ZDHHC20: variants seen among roughly 807,000 people sequenced by gnomAD.
ZDHHC20 encodes the protein zDHHC palmitoyltransferase 20.
A neutral mutation model predicts 57.8 loss-of-function variants in ZDHHC20; 43 were observed. The ratio of observed to expected loss-of-function variants is 0.74; its 90% CI spans 0.58 to 0.96. The LOEUF (loss-of-function observed/expected upper bound fraction) is 0.96, where lower values mean the gene tolerates loss of function less well. Among genes scored for constraint, ZDHHC20 ranks in the 40% least tolerant of loss-of-function variants. The pLI is 0.00. For synonymous variants in ZDHHC20, 157 were observed against 153.0 expected, an observed-to-expected ratio of 1.03 and a Z score of -0.19; for missense variants, 391 against 441.1, an observed-to-expected ratio of 0.89 and a Z score of 1.02.
At chr13:21,416,568 A>G (rs531804501) in intron 3 of ZDHHC20, among the ~76,000 whole-genome samples, 2 of 152,344 alleles carry the variant, frequency 1.3e-5, no homozygotes, top group Admixed American at 1.3e-4. Flanking sequence ...CATATAAACA[A>G]AGAATTACAA....
At chr13:21,387,344 A>G (rs561562671) in intron 9 of ZDHHC20, among the ~76,000 whole-genome samples, 164 bp downstream of exon 9, 1 of 152,238 alleles carries the variant, frequency 6.6e-6, no homozygotes, top group South Asian at 2.1e-4. Flanking sequence ...TAAAAAATGA[A>G]AAATAAAATA....
rs1485680504 is a variant in ZDHHC20, at chr13:21,402,886, G to A, written c.371-20C>T. 2.6e-6 allele frequency: 4 copies of A among 1,559,792 alleles called. No homozygotes were observed. The highest frequency in any genetic ancestry group is 4.6e-5 in the East Asian group (2 of 43,248). ...TGATAGCTACATGAAAGAAGTAAAA[G>A]GAAGATGCTGAAGGATGTACAAACT... On this transcript the variant is annotated intron_variant, in intron 4 of 12. Coordinates refer to ENST00000400590, the MANE Select transcript of ZDHHC20 (RefSeq NM_001330059.2).
intron 1 of ZDHHC20, among the ~76,000 whole-genome samples, chr13:21,430,756 A>G (rs984311345): frequency 6.6e-6 from 1 of 152,080 alleles, no homozygotes; most frequent in African/African-American, 2.4e-5. Context: ...CAGCTTCTCT[A>G]GCACATATAT....
At chr13:21,438,724 G>GT (rs1414437758) in intron 1 of ZDHHC20, among the ~76,000 whole-genome samples, 2 of 152,224 alleles carry the variant, frequency 1.3e-5, no homozygotes, top group Non-Finnish European at 2.9e-5. Flanking sequence ...AAGTTCTACT[G>GT]TGAGTAAAAT....
intron 1 of ZDHHC20, among the ~76,000 whole-genome samples, chr13:21,433,518 G>A (rs1882219239): frequency 1.3e-5 from 2 of 151,784 alleles, no homozygotes; most frequent in Admixed American, 1.3e-4. Flanking sequence ...TCAGGAGGGT[G>A]AGGTAGGAGA....
At chr13:21,434,158 C>T (rs1290570063) in intron 1 of ZDHHC20, among the ~76,000 whole-genome samples, 1 of 151,936 alleles carries the variant, frequency 6.6e-6, no homozygotes, top group Non-Finnish European at 1.5e-5. Flanking sequence ...GATTAAATAC[C>T]TGATAAGTTG....
intron 7 of ZDHHC20, among the ~76,000 whole-genome samples, chr13:21,397,564 A>G (rs1228652498): frequency 6.6e-6 from 1 of 151,936 alleles, no homozygotes; most frequent in East Asian, 1.9e-4. Flanking sequence ...TGGGGGCTTG[A>G]GGCAGGGGAT....
chr13:21,425,515 T>G lies in ZDHHC20; in HGVS notation c.145+137A>C. The G allele has an allele frequency of 1.2e-5, 7 of 594,212 alleles. No individual in the cohort carries two copies. In the South Asian group the frequency reaches 1.7e-4, roughly 15 times the overall value. 36.8% of individuals were successfully genotyped at this position (594,212 alleles called of 1,614,324 possible). ...AATAACCCCATTACTAGATCTCCTT[T>G]TAATTACTTAAAATGTAAAGATAGG... On this transcript the variant is annotated intron_variant, in intron 2 of 12. Transcript: ENST00000400590.
intron 4 of ZDHHC20, chr13:21,404,287 G>T: frequency 2.0e-6 from 1 of 495,024 alleles, no homozygotes; most frequent in South Asian, 1.5e-5. Flanking sequence ...TTCTAAAGCC[G>T]ACTTCCCCTG....
chr13:21,407,341 T>C (rs1239282189), intron 4 of ZDHHC20, among the ~76,000 whole-genome samples: 3 of 152,218 alleles, frequency 2.0e-5, no homozygotes, highest in African/African-American at 7.2e-5. Context: ...TGTGAGATGG[T>C]ATCTCATTGT....
Position 21,404,753 on chromosome 13 carries a change from C to CAA in ZDHHC20, c.371-1889_371-1888dup, listed in dbSNP as rs11391004. ...TGGGTGACAGAGCGAGATTCCATCT[C>CAA]AAAAAAAAAAAAAAAGCAAGTCATG... is the stretch of plus-strand genomic sequence containing the variant. On this transcript the variant is annotated intron_variant, in intron 4 of 12. Coordinates refer to ENST00000400590, the MANE Select transcript of ZDHHC20 (RefSeq NM_001330059.2). Among the ~76,000 whole-genome samples the CAA allele has an allele frequency of 4.9e-3, 388 of 78,878 alleles. 4 individuals carry two copies. Among genetic ancestry groups the CAA allele is most frequent in the African/African-American group, 0.015 (346 of 22,988 alleles). 51.7% of individuals were successfully genotyped at this position (78,878 alleles called of 152,430 possible).
At chr13:21,448,481 G>C (rs1189765736) in intron 1 of ZDHHC20, among the ~76,000 whole-genome samples, 350 of 45,714 alleles carry the variant, frequency 7.7e-3, no homozygotes, top group Middle Eastern at 0.015. Flanking sequence ...GGTCAGCCCC[G>C]CCGCCCGGCC....
chr13:21,429,504 G>C (rs966545013), intron 1 of ZDHHC20, among the ~76,000 whole-genome samples: 1 of 152,176 alleles, frequency 6.6e-6, no homozygotes, highest in Non-Finnish European at 1.5e-5. Flanking sequence ...TATAGGTAAA[G>C]TGTCCTCACT....
chr13:21,436,154 G>T (rs966715735), intron 1 of ZDHHC20, among the ~76,000 whole-genome samples: 11 of 152,128 alleles, frequency 7.2e-5, no homozygotes, highest in African/African-American at 2.7e-4. Context: ...GTGATGTGGT[G>T]GTCTAATAGA....
At chr13:21,439,884 T>C (rs1389710372) in intron 1 of ZDHHC20, among the ~76,000 whole-genome samples, 2 of 151,702 alleles carry the variant, frequency 1.3e-5, no homozygotes, top group African/African-American at 4.8e-5. Context: ...CTGGCCAACA[T>C]GGTGAAACCC....
At chr13:21,397,372 C>G (rs760096209) in intron 7 of ZDHHC20, among the ~76,000 whole-genome samples, 5 of 151,020 alleles carry the variant, frequency 3.3e-5, no homozygotes, top group Non-Finnish European at 7.4e-5. Flanking sequence ...TCAAGAATAA[C>G]GATTAGTGGC....
intron 9 of ZDHHC20, among the ~76,000 whole-genome samples, chr13:21,385,501 A>G (rs1874303966): frequency 6.6e-6 from 1 of 152,214 alleles, no homozygotes. Flanking sequence ...CAGGCTAGAC[A>G]TTATAGAAGA....
intron 7 of ZDHHC20, among the ~76,000 whole-genome samples, chr13:21,394,262 G>A (rs545589565): frequency 3.9e-5 from 6 of 152,284 alleles, no homozygotes; most frequent in South Asian, 2.1e-4. Context: ...GCAGGGACAC[G>A]TATCATGTTC....
rs1302992684 is a variant in ZDHHC20 at position 21,447,324 on chromosome 13, G to C, written c.118+11730C>G. ...TCCGTCTCCCTCTCCCTCTCCCCAC[G>C]GTCTCCCTCTCATGTGGAGCCGAAG... On this transcript the variant is annotated intron_variant, in intron 1 of 12. Transcript: ENST00000400590. 2.0e-5 allele frequency among the ~76,000 whole-genome samples: 3 copies of C among 149,776 alleles called. No individual in the cohort carries two copies. In the South Asian group the frequency reaches 6.7e-4, roughly 33 times the overall value.
Sources: gnomAD v4.1 joint callset for allele counts (sites outside exome capture counted in the v4.1 genomes callset) on GRCh38, gnomAD v4.1.1 for gene constraint, MANE v1.5 for transcripts, NCBI Gene and HGNC (gene_info 2026-07-23, HGNC 2026-07-21) for gene names.